NUDT3: variants seen among roughly 807,000 people sequenced by gnomAD.
The protein encoded by NUDT3 is diphosphoinositol polyphosphate phosphohydrolase 1.
Under a neutral mutation model 23.6 loss-of-function variants are expected in NUDT3, and 9 were observed. The observed-to-expected ratio is 0.38, with a 90% CI of 0.23 to 0.66. The LOEUF (loss-of-function observed/expected upper bound fraction) is 0.66, where lower values mean the gene tolerates loss of function less well. Ranked by LOEUF, NUDT3 falls within the 30% of genes least tolerant of loss-of-function variation. The probability of loss-of-function intolerance (pLI) is 0.52; values close to 1 mark genes in which losing one functional copy is unlikely to be tolerated. For missense variants in NUDT3, 172 were observed against 218.5 expected (o/e 0.79, Z 1.34); for synonymous variants, 86 against 82.6 (o/e 1.04, Z -0.22).
At chr6:34,353,875 T>C (rs530811841) in intron 1 of NUDT3, among the ~76,000 whole-genome samples, 1 of 151,976 alleles carries the variant, frequency 6.6e-6, no homozygotes, top group Non-Finnish European at 1.5e-5. Flanking sequence ...CTAATACTTG[T>C]TTGTAGAGAC....
chr6:34,286,967 C>CG lies in NUDT3; in HGVS notation c.*1785dup. ...CTAATTTCTGCATTTTTAGTAGAGA[C>CG]GGGGTTTCACCATGTTGGTCAGGCT... On this transcript the variant is annotated 3_prime_UTR_variant, in exon 5 of 5. Coordinates refer to ENST00000607016, the MANE Select transcript of NUDT3 (RefSeq NM_006703.4). The CG allele has an allele frequency of 6.6e-6, 1 of 151,310 alleles. No individual in the cohort carries two copies. Among genetic ancestry groups the CG allele is most frequent in the South Asian group, 2.1e-4 (1 of 4,786 alleles). The allele number at this position is 151,310 out of a possible 1,614,324, so 9.4% of individuals were successfully genotyped here.
chr6:34,329,332 G>T (rs879310437), intron 2 of NUDT3, among the ~76,000 whole-genome samples: 9 of 152,296 alleles, frequency 5.9e-5, no homozygotes, highest in Admixed American at 5.9e-4. Flanking sequence ...CCAGGCTGGG[G>T]TGCAATGGCG....
intron 1 of NUDT3, among the ~76,000 whole-genome samples, chr6:34,359,322 G>A (rs989420462): frequency 6.6e-5 from 10 of 152,136 alleles, no homozygotes; most frequent in African/African-American, 1.2e-4. Flanking sequence ...GCAGTGAGCC[G>A]AGATCGTGCT....
Position 34,280,426 on chromosome 6 carries a change from G to C in NUDT3, c.*8327C>G, listed in dbSNP as rs769835146. On this transcript the variant is annotated 3_prime_UTR_variant, in exon 5 of 5. Coordinates refer to ENST00000607016, the MANE Select transcript of NUDT3 (RefSeq NM_006703.4). ...ATCCTGGACAGCATTTGGATTGGGG[G>C]TAAGGGCAATTTTACTCCAGCTCCT... The C allele has an allele frequency of 1.3e-5, 2 of 152,212 alleles. No individual in the cohort carries two copies. The highest frequency in any genetic ancestry group is 4.8e-5 in the African/African-American group (2 of 41,450). 9.4% of individuals were successfully genotyped at this position (152,212 alleles called of 1,614,324 possible). A position where few individuals can be genotyped will look rare whatever the true frequency, so the allele number is the denominator to read the frequency against.
At chr6:34,304,394 A>G (rs983202332) in intron 2 of NUDT3, among the ~76,000 whole-genome samples, 3 of 151,556 alleles carry the variant, frequency 2.0e-5, no homozygotes, top group African/African-American at 7.3e-5. Flanking sequence ...GTGAGACCCC[A>G]TATCGAAAGA....
chr6:34,317,290 T>TA (rs1416502695), intron 2 of NUDT3, among the ~76,000 whole-genome samples: 1 of 152,018 alleles, frequency 6.6e-6, no homozygotes, highest in African/African-American at 2.4e-5. Flanking sequence ...TAGCAGTGGT[T>TA]AGGGATAGAT....
rs1234642625 is a variant in NUDT3 at position 34,285,101 on chromosome 6, T to C, written c.*3652A>G. 1 of 152,184 alleles carries C rather than the reference T, an allele frequency of 6.6e-6. No homozygotes were observed. Among genetic ancestry groups the C allele is most frequent in the Non-Finnish European group, 1.5e-5 (1 of 68,022 alleles). The allele number at this position is 152,184 out of a possible 1,614,324, so 9.4% of individuals were successfully genotyped here. A position where few individuals can be genotyped will look rare whatever the true frequency, so the allele number is the denominator to read the frequency against. ...TCCCACACCCTTTGATCCTTCCAGA[T>C]GGCTCAGCCTAGATCTAGCAGTGAG... On this transcript the variant is annotated 3_prime_UTR_variant, in exon 5 of 5. Coordinates refer to ENST00000607016, the MANE Select transcript of NUDT3 (RefSeq NM_006703.4).
chr6:34,355,573 A>C (rs180887789), intron 1 of NUDT3, among the ~76,000 whole-genome samples: 37 of 151,816 alleles, frequency 2.4e-4, no homozygotes, highest in African/African-American at 8.5e-4. Flanking sequence ...CTAAAAAATA[A>C]AGAAATTATA....
chr6:34,391,079 A>G (rs1419007028), intron 1 of NUDT3, among the ~76,000 whole-genome samples: 1 of 152,050 alleles, frequency 6.6e-6, no homozygotes, highest in Admixed American at 6.5e-5. Context: ...TTCACTAACT[A>G]ATTTTCTTCA....
chr6:34,333,211 C>G (rs2113728267), intron 2 of NUDT3, among the ~76,000 whole-genome samples: 1 of 152,238 alleles, frequency 6.6e-6, no homozygotes, highest in Middle Eastern at 3.4e-3. Flanking sequence ...TTAGCCCTCC[C>G]CTTACATGTG....
At position 34,288,862 on chromosome 6, in the gene NUDT3, G is replaced by A; in HGVS notation, c.410C>T (p.Ala137Val). 2 of 1,614,080 alleles carry A rather than the reference G, an allele frequency of 1.2e-6. No individual in the cohort carries two copies. Among genetic ancestry groups the A allele is most frequent in the Non-Finnish European group, 1.7e-6 (2 of 1,180,006 alleles). Residue 137 changes from alanine (A) to valine (V), a missense_variant, in exon 5 of 5, where the codon GCA (alanine) becomes GTA (valine). Transcript: ENST00000607016. ...KVLQYHKPVQ[A>V]SYFETLRQGY... Reference sequence around the variant, plus strand: ...TTGCCTCAATGTTTCAAAATATGATGCCTGCACGGGTTTGTGATACTGCAG... The same window carrying A: ...TTGCCTCAATGTTTCAAAATATGATACCTGCACGGGTTTGTGATACTGCAG...
intron 1 of NUDT3, among the ~76,000 whole-genome samples, chr6:34,361,256 G>A (rs1164424255): frequency 6.6e-6 from 1 of 152,078 alleles, no homozygotes; most frequent in African/African-American, 2.4e-5. Context: ...TATGCAGATG[G>A]TAAATGAATA....
chr6:34,303,179 G>A (rs560356972), intron 2 of NUDT3, among the ~76,000 whole-genome samples: 24 of 146,970 alleles, frequency 1.6e-4, no homozygotes, highest in African/African-American at 5.9e-4. Context: ...TCACAGATGC[G>A]TGTCACCATA....
In NUDT3 at chr6:34,367,431, G is replaced by A. The variant is rs942844217; in HGVS notation, c.99+24833C>T. On this transcript the variant is annotated intron_variant, in intron 1 of 4. Transcript: ENST00000607016. The stretch of plus-strand genomic sequence containing the variant: ...TGGGAGGCGGAGGTTGCAGCGAGCC[G>A]AGATCGCACCATTGAACTACAGCCT... Among the ~76,000 whole-genome samples, 6 of 151,072 alleles carry A rather than the reference G, an allele frequency of 4.0e-5. No homozygotes were observed. In the South Asian group the frequency reaches 8.4e-4, roughly 21 times the overall value.
intron 2 of NUDT3, among the ~76,000 whole-genome samples, chr6:34,317,169 C>T (rs1468652294): frequency 6.6e-6 from 1 of 152,136 alleles, no homozygotes. Flanking sequence ...ATGGGGAAGA[C>T]TGCTGGCGAA....
chr6:34,316,975 G>C (rs914159539), intron 2 of NUDT3, among the ~76,000 whole-genome samples: 17 of 152,316 alleles, frequency 1.1e-4, no homozygotes, highest in African/African-American at 3.6e-4. Flanking sequence ...GAGGTGAGTG[G>C]TGATGGTGGC....
chr6:34,375,996 C>G (rs1232246638), intron 1 of NUDT3, among the ~76,000 whole-genome samples: 2 of 152,138 alleles, frequency 1.3e-5, no homozygotes, highest in African/African-American at 4.8e-5. Context: ...TTCTCTTGTG[C>G]TAACTTTCTA....
rs1267441566 is a variant in NUDT3, at chr6:34,284,009, G to C, written c.*4744C>G. 1 of 152,158 alleles carries C rather than the reference G, an allele frequency of 6.6e-6. No homozygotes were observed. Among genetic ancestry groups the C allele is most frequent in the African/African-American group, 2.4e-5 (1 of 41,410 alleles). The allele number at this position is 152,158 out of a possible 1,614,324, so 9.4% of individuals were successfully genotyped here. A position where few individuals can be genotyped will look rare whatever the true frequency, so the allele number is the denominator to read the frequency against. On this transcript the variant is annotated 3_prime_UTR_variant, in exon 5 of 5. Coordinates refer to ENST00000607016, the MANE Select transcript of NUDT3 (RefSeq NM_006703.4). ...AAGTTAGGCAGGTGCCCTGATGGAGGCAAGGCTGAGCCATTAACATGCACA... is the reference window on the plus strand; with the variant it reads ...AAGTTAGGCAGGTGCCCTGATGGAGCCAAGGCTGAGCCATTAACATGCACA...
intron 1 of NUDT3, among the ~76,000 whole-genome samples, chr6:34,387,994 G>A (rs1256184295): frequency 6.6e-6 from 1 of 152,096 alleles, no homozygotes; most frequent in African/African-American, 2.4e-5. Flanking sequence ...AAGTGTCCTG[G>A]TCAGGTGAAC....
Sources: allele counts gnomAD v4.1 joint callset (sites outside exome capture counted in the v4.1 genomes callset), GRCh38; gene constraint gnomAD v4.1.1; transcripts MANE v1.5; gene names NCBI Gene and HGNC (gene_info 2026-07-23, HGNC 2026-07-21).